Variants in PIK3C2G observed in about 807,000 individuals in gnomAD.
PIK3C2G encodes the protein phosphatidylinositol 3-kinase C2 domain-containing subunit gamma.
In PIK3C2G, 168 loss-of-function variants were observed where a neutral mutation model predicts 181.1. That is an observed-to-expected ratio of 0.93 (90% CI 0.82 to 1.05). The LOEUF is 1.05. PIK3C2G is among the 50% of genes least tolerant of loss of function. The pLI is 0.00. For missense variants in PIK3C2G, 1,869 were observed against 1,732.8 expected (o/e 1.08, Z -1.40); for synonymous variants, 573 against 592.2 (o/e 0.97, Z 0.47).
At chr12:18,615,375 G>GTATGTATATA (rs1555150546) in intron 31 of PIK3C2G, among the ~76,000 whole-genome samples, 9 of 89,616 alleles carry the variant, frequency 1.0e-4, no homozygotes, top group African/African-American at 2.4e-4. Context: ...GTGTGTATGT[G>GTATGTATATA]TATATATATA....
chr12:18,554,074 C>T (rs545846022), intron 26 of PIK3C2G, among the ~76,000 whole-genome samples: 1 of 152,024 alleles, frequency 6.6e-6, no homozygotes, highest in East Asian at 1.9e-4. Flanking sequence ...GAGTCACCAA[C>T]TGCATTTTAT....
intron 16 of PIK3C2G, among the ~76,000 whole-genome samples, chr12:18,403,301 CT>C (rs1329568265): frequency 8.5e-5 from 13 of 152,252 alleles, no homozygotes; most frequent in Middle Eastern, 6.8e-3. Flanking sequence ...TATTTACACA[CT>C]GGAAAGTTTC....
At chr12:18,687,981 C>T in the PIK3C2G span, 3 of 1,455,354 alleles carry the variant, frequency 2.1e-6, no homozygotes, top group African/African-American at 2.8e-5. Flanking sequence ...ATGGAAAACC[C>T]TTGTCTTATG....
intron 1 of PIK3C2G, among the ~76,000 whole-genome samples, chr12:18,273,732 A>T (rs958910838): frequency 1.1e-4 from 17 of 152,200 alleles, no homozygotes; most frequent in African/African-American, 4.1e-4. Context: ...ACCATTCAGG[A>T]CATAGCCATG....
intron 24 of PIK3C2G, among the ~76,000 whole-genome samples, chr12:18,509,094 G>A (rs907977209): frequency 2.6e-5 from 4 of 151,526 alleles, no homozygotes; most frequent in African/African-American, 9.7e-5. Flanking sequence ...CTCTGTCACC[G>A]AGGCTGGAGT....
intron 23 of PIK3C2G, among the ~76,000 whole-genome samples, chr12:18,503,682 C>T (rs904468918): frequency 2.6e-5 from 4 of 152,064 alleles, no homozygotes; most frequent in African/African-American, 9.7e-5. Flanking sequence ...CAATCTTACA[C>T]CAGAAACAAT....
intron 1 of PIK3C2G, among the ~76,000 whole-genome samples, chr12:18,272,822 C>T (rs992005614): frequency 6.6e-6 from 1 of 152,132 alleles, no homozygotes; most frequent in Non-Finnish European, 1.5e-5. Flanking sequence ...TCATCGTATA[C>T]ATTATCTGCC....
At chr12:18,418,214 C>T (rs1032718642) in intron 16 of PIK3C2G, among the ~76,000 whole-genome samples, 2 of 152,148 alleles carry the variant, frequency 1.3e-5, no homozygotes, top group South Asian at 4.1e-4. Flanking sequence ...AAGTGGGAGT[C>T]AACCAGTCAA....
intron 5 of PIK3C2G, among the ~76,000 whole-genome samples, chr12:18,297,247 T>C (rs886988319): frequency 6.6e-6 from 1 of 152,068 alleles, no homozygotes; most frequent in African/African-American, 2.4e-5. Context: ...ATATTGATAA[T>C]ATATGAAGTA....
At chr12:18,629,689 A>C (rs1387419733) in intron 31 of PIK3C2G, among the ~76,000 whole-genome samples, 1 of 152,148 alleles carries the variant, frequency 6.6e-6, no homozygotes, top group Non-Finnish European at 1.5e-5. Flanking sequence ...TGAGACAAGC[A>C]GACTTTGACA....
intron 14 of PIK3C2G, among the ~76,000 whole-genome samples, chr12:18,387,642 C>A (rs1413855647): frequency 1.3e-5 from 2 of 152,082 alleles, no homozygotes; most frequent in Non-Finnish European, 2.9e-5. Context: ...CTTCTCACAC[C>A]AAGCAAAGTT....
At chr12:18,723,786 A>G in the PIK3C2G span, among the ~76,000 whole-genome samples, 2 of 152,132 alleles carry the variant, frequency 1.3e-5, no homozygotes, top group South Asian at 2.1e-4. Context: ...GAAAATGAGG[A>G]TTCCAGGTTG....
chr12:18,564,077 T>C (rs1945489720), intron 28 of PIK3C2G, among the ~76,000 whole-genome samples: 1 of 151,942 alleles, frequency 6.6e-6, no homozygotes, highest in Non-Finnish European at 1.5e-5. Flanking sequence ...TTAACTTGCA[T>C]TATCTAAATT....
intron 11 of PIK3C2G, among the ~76,000 whole-genome samples, chr12:18,357,968 T>C (rs1248483004): frequency 6.6e-6 from 1 of 152,246 alleles, no homozygotes; most frequent in African/African-American, 2.4e-5. Flanking sequence ...ATTGTATGTA[T>C]ATACCATGTT....
intron 12 of PIK3C2G, among the ~76,000 whole-genome samples, chr12:18,368,738 C>T (rs1721470425): frequency 6.6e-6 from 1 of 152,294 alleles, no homozygotes; most frequent in Admixed American, 6.5e-5. Flanking sequence ...GCTCTATAAC[C>T]ACGCTGGGTC....
intron 26 of PIK3C2G, among the ~76,000 whole-genome samples, chr12:18,548,093 A>G (rs1944531701): frequency 1.3e-5 from 2 of 152,014 alleles, no homozygotes; most frequent in African/African-American, 2.4e-5. Context: ...CATCCCATGC[A>G]GGTGGGTTTA....
intron 24 of PIK3C2G, among the ~76,000 whole-genome samples, chr12:18,529,768 G>C (rs12099700): frequency 0.052 from 7,880 of 152,122 alleles, 515 homozygotes; most frequent in African/African-American, 0.15. Context: ...CATTTCCACT[G>C]TGAGGGCTGG....
intron 3 of PIK3C2G, among the ~76,000 whole-genome samples, chr12:18,288,761 T>C (rs1225938602): frequency 2.0e-5 from 3 of 152,194 alleles, no homozygotes; most frequent in Non-Finnish European, 4.4e-5. Context: ...TGAATAACTC[T>C]ACTCACAGAC....
chr12:18,652,254 C>T (rs1020973664), downstream of PIK3C2G, among the ~76,000 whole-genome samples: 3 of 151,980 alleles, frequency 2.0e-5, no homozygotes, highest in African/African-American at 7.2e-5. Flanking sequence ...TCCCATATAC[C>T]AGTCACATAT....
Sources: allele counts gnomAD v4.1 joint callset (sites outside exome capture counted in the v4.1 genomes callset), GRCh38; gene constraint gnomAD v4.1.1; transcripts MANE v1.5; gene names NCBI Gene and HGNC (gene_info 2026-07-23, HGNC 2026-07-21).